Variants in PANX3 observed in about 807,000 individuals in gnomAD.
PANX3 encodes the protein pannexin 3, also known as pannexin-3.
PANX3 carries 18 observed loss-of-function variants against 31.5 expected under a neutral mutation model. The ratio of observed to expected loss-of-function variants is 0.57; its 90% CI spans 0.39 to 0.85. The LOEUF (loss-of-function observed/expected upper bound fraction) is 0.85, where lower values mean the gene tolerates loss of function less well. Ranked by LOEUF, PANX3 falls within the 40% of genes least tolerant of loss-of-function variation. PANX3 has a pLI of 0.00. For synonymous variants in PANX3, 194 were observed against 201.6 expected (o/e 0.96, Z 0.32); for missense variants, 426 against 485.4 (o/e 0.88, Z 1.15).
intron 3 of PANX3, 131 bp downstream of exon 3, chr11:124,617,619 A>C: frequency 1.6e-4 from 128 of 823,580 alleles, no homozygotes; most frequent in Non-Finnish European, 2.1e-4. Context: ...ACATCATCTC[A>C]TTAACTTTCT....
intron 3 of PANX3, among the ~76,000 whole-genome samples, chr11:124,618,288 A>G (rs1047068608): frequency 6.6e-6 from 1 of 152,210 alleles, no homozygotes; most frequent in African/African-American, 2.4e-5. Context: ...TCTTCTGAAA[A>G]AAAATCCTCT....
Position 124,611,640 on chromosome 11 carries a change from G to C in PANX3, c.84G>C (p.Leu28=). 6.2e-7 allele frequency: 1 copy of C among 1,614,184 alleles called. No individual in the cohort carries two copies. Among genetic ancestry groups the C allele is most frequent in the South Asian group, 1.1e-5 (1 of 91,086 alleles). Residue 28 remains leucine (L), a synonymous_variant, in exon 1 of 4, where the codon CTG becomes CTC. Transcript: ENST00000284288. ...PDRRGPRLKG[L]RLELPLDRIV... ...GCAGGGGACCCCGCCTCAAAGGACT[G>C]CGTCTGGAACTGCCCCTGGACCGGA...
rs372257812 is a variant in PANX3 at position 124,617,266 on chromosome 11, C to T, written c.325-8C>T. The T allele has an allele frequency of 1.2e-5, 20 of 1,600,714 alleles. No homozygotes were observed. The highest frequency in any genetic ancestry group is 2.0e-4 in the Middle Eastern group (1 of 4,906). ...CGGCCTCCCTCCTCAGCTGCTCTCG[C>T]CCTGCAGGCCCTCCCCTACTCCCTG... On this transcript the variant is annotated splice_region_variant and splice_polypyrimidine_tract_variant and intron_variant, in intron 2 of 3. Coordinates refer to ENST00000284288, the MANE Select transcript of PANX3 (RefSeq NM_052959.3).
intron 2 of PANX3, among the ~76,000 whole-genome samples, chr11:124,614,287 G>A (rs1200326612): frequency 1.3e-5 from 2 of 151,952 alleles, no homozygotes; most frequent in Admixed American, 6.6e-5. Context: ...TTTTTGAGAC[G>A]GAGTTGTTTT....
At position 124,619,292 on chromosome 11, in the gene PANX3, C is replaced by T. The variant is rs778965154; in HGVS notation, c.540-4C>T. On this transcript the variant is annotated splice_polypyrimidine_tract_variant and splice_region_variant and intron_variant, in intron 3 of 3. Coordinates refer to ENST00000284288, the MANE Select transcript of PANX3 (RefSeq NM_052959.3). ...AACCTTGCCTCCTTCCTTCCACTGC[C>T]CAGGGCTCGGAAAGAACGATACTTT... 11 of 1,608,766 alleles carry T rather than the reference C, an allele frequency of 6.8e-6. No homozygotes were observed. In the South Asian group the frequency reaches 1.1e-4, roughly 16 times the overall value.
intron 3 of PANX3, 137 bp from the exon 4 acceptor site, chr11:124,619,159 A>G: frequency 7.8e-6 from 7 of 893,540 alleles, no homozygotes; most frequent in Non-Finnish European, 1.2e-5. Context: ...AAGCATGGTT[A>G]TGCTCGGGAA....
Position 124,619,442 on chromosome 11 carries a change from A to C in PANX3, c.686A>C (p.His229Pro). Residue 229 changes from histidine (H) to proline (P), a missense_variant, in exon 4 of 4, where the codon CAT (histidine) becomes CCT (proline). His to Pro is a moderately conservative substitution (Grantham distance 77). Coordinates refer to ENST00000284288, the MANE Select transcript of PANX3 (RefSeq NM_052959.3). Reference protein sequence around the residue: ...FTSATYLYLGHFHLDVFFQEE... With the variant: ...FTSATYLYLGPFHLDVFFQEE... ...TCCGCCACTTACCTATACCTTGGTCATTTCCATCTGGATGTCTTCTTCCAG... is the reference window on the plus strand; with the variant it reads ...TCCGCCACTTACCTATACCTTGGTCCTTTCCATCTGGATGTCTTCTTCCAG... 2.5e-6 allele frequency: 4 copies of C among 1,614,100 alleles called. No individual in the cohort carries two copies. Among genetic ancestry groups the C allele is most frequent in the Non-Finnish European group, 3.4e-6 (4 of 1,180,024 alleles).
chr11:124,617,371 T>A lies in PANX3; in HGVS notation c.422T>A (p.Leu141Gln). The A allele has an allele frequency of 6.2e-7, 1 of 1,613,920 alleles. No homozygotes were observed. Among genetic ancestry groups the A allele is most frequent in the Non-Finnish European group, 8.5e-7 (1 of 1,180,048 alleles). The part of the protein sequence containing the change: ...AAVPALSSDL[L>Q]FIISELDKSY... ...GTGCCAGCCCTCAGCTCCGATCTGC[T>A]GTTCATCATCAGCGAACTGGACAAA... Residue 141 changes from leucine to glutamine, a missense_variant, in exon 3 of 4, where the codon CTG (leucine) becomes CAG (glutamine). Leu to Gln is a moderately radical substitution (Grantham distance 113). Coordinates refer to ENST00000284288, the MANE Select transcript of PANX3 (RefSeq NM_052959.3).
chr11:124,613,178 C>T (rs1415077715), intron 2 of PANX3, 56 bp downstream of exon 2: 1 of 1,572,676 alleles, frequency 6.4e-7, no homozygotes, highest in African/African-American at 1.3e-5. Flanking sequence ...GGTGCAGAAC[C>T]CCTTCATTCT....
At chr11:124,612,360 T>C (rs1469030808) in intron 1 of PANX3, among the ~76,000 whole-genome samples, 1 of 152,202 alleles carries the variant, frequency 6.6e-6, no homozygotes, top group African/African-American at 2.4e-5. Flanking sequence ...AATGTGGACT[T>C]CCTGAGAACT....
Position 124,613,073 on chromosome 11 carries a change from AGCAGGACGG to A in PANX3, c.278_286del (p.Gln93_Gly95del). 1 of 1,614,126 alleles carries A rather than the reference AGCAGGACGG, an allele frequency of 6.2e-7. No homozygotes were observed. On this transcript the variant is annotated inframe_deletion, in exon 2 of 4. Transcript: ENST00000284288. Reference sequence around the variant, plus strand: ...TGCTGGGACTCACTGCTTCACCATAAGCAGGACGGGCCTGGCCAGGACAAAATGAAATCT... The same window carrying A: ...TGCTGGGACTCACTGCTTCACCATAAGCCTGGCCAGGACAAAATGAAATCT...
chr11:124,612,968 T>C lies in PANX3; in HGVS notation c.182-12T>C. On this transcript the variant is annotated splice_polypyrimidine_tract_variant and intron_variant, in intron 1 of 3. Coordinates refer to ENST00000284288, the MANE Select transcript of PANX3 (RefSeq NM_052959.3). Reference sequence around the variant, plus strand: ...CAACTCAGGCGGCCTCAAAGCTGTGTTCCTGTTGCAGGGTCTCCGATCAGC... The same window carrying C: ...CAACTCAGGCGGCCTCAAAGCTGTGCTCCTGTTGCAGGGTCTCCGATCAGC... 6.2e-7 allele frequency: 1 copy of C among 1,613,624 alleles called. No homozygotes were observed. The highest frequency in any genetic ancestry group is 8.5e-7 in the Non-Finnish European group (1 of 1,179,692).
chr11:124,613,599 G>C (rs996322847), intron 2 of PANX3, among the ~76,000 whole-genome samples: 1 of 152,106 alleles, frequency 6.6e-6, no homozygotes, highest in Admixed American at 6.5e-5. Flanking sequence ...ATGGACCCAA[G>C]AGCAGAGTTT....
intron 3 of PANX3, among the ~76,000 whole-genome samples, chr11:124,618,659 G>T (rs991943112): frequency 6.6e-6 from 1 of 152,040 alleles, no homozygotes; most frequent in East Asian, 1.9e-4. Context: ...GTGGGGGGGT[G>T]GGGGAGACAG....
At chr11:124,617,735 T>C (rs1565395254) in intron 3 of PANX3, among the ~76,000 whole-genome samples, 1 of 152,322 alleles carries the variant, frequency 6.6e-6, no homozygotes, top group East Asian at 1.9e-4. Flanking sequence ...TTTCATACAC[T>C]ACTGCCTTCA....
chr11:124,611,672 A>G lies in PANX3; in HGVS notation c.116A>G (p.Lys39Arg). 3 of 1,614,164 alleles carry G rather than the reference A, an allele frequency of 1.9e-6. No individual in the cohort carries two copies. Among genetic ancestry groups the G allele is most frequent in the Non-Finnish European group, 2.5e-6 (3 of 1,180,006 alleles). Reference protein sequence around the residue: ...RLELPLDRIVKFVAVGSPLLL... With the variant: ...RLELPLDRIVRFVAVGSPLLL... Reference sequence around the variant, plus strand: ...GAACTGCCCCTGGACCGGATAGTCAAGTTCGTAGCTGTGGGCTCCCCCTTG... The same window carrying G: ...GAACTGCCCCTGGACCGGATAGTCAGGTTCGTAGCTGTGGGCTCCCCCTTG... Residue 39 changes from lysine to arginine, a missense_variant, in exon 1 of 4, where the codon AAG (lysine) becomes AGG (arginine). Physicochemically the swap from Lys to Arg is conservative, Grantham distance 26. Transcript: ENST00000284288.
intron 3 of PANX3, 31 bp from the exon 4 acceptor site, chr11:124,619,265 C>A: frequency 6.3e-7 from 1 of 1,593,444 alleles, no homozygotes; most frequent in Non-Finnish European, 8.5e-7. Context: ...ATGGTCACTA[C>A]TAACCTTGCC....
In PANX3 at chr11:124,613,081, G is replaced by A. The variant is rs34498516; in HGVS notation, c.283G>A (p.Gly95Arg). The A allele has an allele frequency of 2.5e-4, 402 of 1,614,014 alleles. 1 individual carries two copies. The African/African-American group carries it at 4.7e-3, about 19-fold the overall frequency. Reference protein sequence around the residue: ...WDSLLHHKQDGPGQDKMKSLW... With the variant: ...WDSLLHHKQDRPGQDKMKSLW... Reference sequence around the variant, plus strand: ...CTCACTGCTTCACCATAAGCAGGACGGGCCTGGCCAGGACAAAATGAAATC... The same window carrying A: ...CTCACTGCTTCACCATAAGCAGGACAGGCCTGGCCAGGACAAAATGAAATC... Residue 95 changes from glycine to arginine, a missense_variant, in exon 2 of 4, where the codon GGG becomes AGG. Transcript: ENST00000284288.
Position 124,619,963 on chromosome 11 carries a change from G to A in PANX3, c.*28G>A, listed in dbSNP as rs765464013. On this transcript the variant is annotated 3_prime_UTR_variant, in exon 4 of 4. Transcript: ENST00000284288. ...AAGAAACCATGGAGCAAGAAAGCTT[G>A]TGGAAAGTCTCTCTCCTTCCTCATA... 17 of 1,560,046 alleles carry A rather than the reference G, an allele frequency of 1.1e-5. No homozygotes were observed. The highest frequency in any genetic ancestry group is 1.4e-5 in the Non-Finnish European group (16 of 1,156,736).
Sources: gnomAD v4.1 joint callset for allele counts (sites outside exome capture counted in the v4.1 genomes callset) on GRCh38, gnomAD v4.1.1 for gene constraint, MANE v1.5 for transcripts, NCBI Gene and HGNC (gene_info 2026-07-23, HGNC 2026-07-21) for gene names.